The following ADAMTS20 variants were observed in gnomAD, a reference collection of about 807,000 sequenced individuals.
The protein encoded by ADAMTS20 is ADAM metallopeptidase with thrombospondin type 1 motif 20, also known as A disintegrin and metalloproteinase with thrombospondin motifs 20.
ADAMTS20 carries 225 observed loss-of-function variants against 260.1 expected under a neutral mutation model. The observed-to-expected ratio is 0.87, with a 90% CI of 0.78 to 0.97. ADAMTS20 has a LOEUF of 0.97. ADAMTS20 is among the 50% of genes least tolerant of loss of function. The probability of loss-of-function intolerance (pLI) is 0.00; values close to 1 mark genes in which losing one functional copy is unlikely to be tolerated. For synonymous variants in ADAMTS20, 802 were observed against 769.5 expected (o/e 1.04, Z -0.70); for missense variants, 2,400 against 2,337.7 (o/e 1.03, Z -0.55).
chr12:43,539,177 T>C (rs950496827), intron 2 of ADAMTS20, among the ~76,000 whole-genome samples: 6 of 152,036 alleles, frequency 3.9e-5, no homozygotes, highest in Non-Finnish European at 8.8e-5. Context: ...GGTCTTGAAC[T>C]CCTGACCTCG....
At chr12:43,369,191 A>C in intron 37 of ADAMTS20, 99 bp downstream of exon 37, 1 of 648,780 alleles carries the variant, frequency 1.5e-6, no homozygotes. Context: ...ATTTCTATTT[A>C]CTTATGTTTC....
At chr12:43,376,781 A>C in intron 32 of ADAMTS20, 128 bp from the exon 33 acceptor site, 1 of 1,081,746 alleles carries the variant, frequency 9.2e-7, no homozygotes, top group Middle Eastern at 2.4e-4. Context: ...AGATACACAG[A>C]AGACACAAAA....
chr12:43,360,771 T>G (rs1939850682), intron 37 of ADAMTS20, among the ~76,000 whole-genome samples: 2 of 152,156 alleles, frequency 1.3e-5, no homozygotes, highest in African/African-American at 4.8e-5. Context: ...AGTAAGGACA[T>G]GATCTAAACA....
At chr12:43,522,124 G>T (rs1702824906) in intron 3 of ADAMTS20, among the ~76,000 whole-genome samples, 2 of 152,198 alleles carry the variant, frequency 1.3e-5, no homozygotes, top group African/African-American at 4.8e-5. Context: ...TTGACTCAGT[G>T]CACCATGGCT....
At chr12:43,427,042 A>T (rs1242623607) in intron 27 of ADAMTS20, among the ~76,000 whole-genome samples, 2 of 152,094 alleles carry the variant, frequency 1.3e-5, no homozygotes, top group Non-Finnish European at 2.9e-5. Flanking sequence ...GCATGGTGGC[A>T]CACACCTGTA....
At chr12:43,519,565 A>C (rs1041697269) in intron 3 of ADAMTS20, among the ~76,000 whole-genome samples, 30 of 152,106 alleles carry the variant, frequency 2.0e-4, no homozygotes, top group African/African-American at 7.2e-4. Flanking sequence ...TTTTTTCTTC[A>C]CTTATTCAAT....
intron 15 of ADAMTS20, among the ~76,000 whole-genome samples, chr12:43,445,645 G>A (rs567614541): frequency 6.6e-6 from 1 of 151,256 alleles, no homozygotes; most frequent in South Asian, 2.1e-4. Context: ...AGGAGTTTGA[G>A]ACCAACCTAG....
chr12:43,528,353 A>C (rs962622360), intron 3 of ADAMTS20, among the ~76,000 whole-genome samples: 2 of 144,658 alleles, frequency 1.4e-5, no homozygotes, highest in Non-Finnish European at 1.5e-5. Context: ...CTAAGCAAAA[A>C]AAAAAAAAAA....
chr12:43,420,837 T>TTTTC (rs1565689341), intron 28 of ADAMTS20, among the ~76,000 whole-genome samples: 3 of 140,550 alleles, frequency 2.1e-5, no homozygotes, highest in African/African-American at 7.8e-5. Flanking sequence ...AGATGGGGTC[T>TTTTC]CGGTCTGTCA....
At chr12:43,454,867 TA>T (rs2137357966) in intron 11 of ADAMTS20, among the ~76,000 whole-genome samples, 1 of 152,362 alleles carries the variant, frequency 6.6e-6, no homozygotes, top group East Asian at 1.9e-4. Context: ...GTAAATAATT[TA>T]AAAATTGGCT....
intron 14 of ADAMTS20, among the ~76,000 whole-genome samples, chr12:43,450,889 A>G (rs1941852902): frequency 6.6e-6 from 1 of 152,166 alleles, no homozygotes; most frequent in African/African-American, 2.4e-5. Context: ...AGCACATAAC[A>G]TCCACTAAAA....
At chr12:43,528,876 T>C (rs1287871349) in intron 3 of ADAMTS20, among the ~76,000 whole-genome samples, 1 of 152,074 alleles carries the variant, frequency 6.6e-6, no homozygotes, top group East Asian at 1.9e-4. Flanking sequence ...GCCCAGAGAA[T>C]TGGAGAATAT....
At chr12:43,374,173 C>T (rs1184348462) in intron 36 of ADAMTS20, among the ~76,000 whole-genome samples, 1 of 151,984 alleles carries the variant, frequency 6.6e-6, no homozygotes, top group Non-Finnish European at 1.5e-5. Flanking sequence ...TTATTGTAAC[C>T]ATAGTAATAT....
In ADAMTS20 at chr12:43,430,336, C is replaced by A; in HGVS notation, c.3381+16G>T. ...TCTCATAAATCTTTTTGTTTGTAAACCATGATTCTTTTTACCTGTCTGTCA... is the reference window on the plus strand; with the variant it reads ...TCTCATAAATCTTTTTGTTTGTAAAACATGATTCTTTTTACCTGTCTGTCA... On this transcript the variant is annotated intron_variant, in intron 23 of 38. Transcript: ENST00000389420. The A allele has an allele frequency of 6.2e-7, 1 of 1,604,944 alleles. No individual in the cohort carries two copies. Among genetic ancestry groups the A allele is most frequent in the South Asian group, 1.1e-5 (1 of 89,180 alleles).
chr12:43,441,646 G>C (rs1052698934), intron 16 of ADAMTS20, among the ~76,000 whole-genome samples: 3 of 152,030 alleles, frequency 2.0e-5, no homozygotes, highest in African/African-American at 7.2e-5. Flanking sequence ...TTTTCAAGAG[G>C]ATGTGTAATA....
chr12:43,501,128 G>A (rs1160531746), intron 4 of ADAMTS20, among the ~76,000 whole-genome samples: 2 of 139,874 alleles, frequency 1.4e-5, no homozygotes, highest in Admixed American at 8.1e-5. Context: ...GCACGATCTC[G>A]GCTCACTGCA....
At chr12:43,460,630 G>A (rs538081008) in intron 11 of ADAMTS20, among the ~76,000 whole-genome samples, 154 of 152,072 alleles carry the variant, frequency 1.0e-3, no homozygotes, top group Non-Finnish European at 1.8e-3. Flanking sequence ...CTTGTACAGG[G>A]ATGTTCATGG....
chr12:43,467,600 G>T (rs7968878), intron 8 of ADAMTS20, among the ~76,000 whole-genome samples: 18,133 of 151,710 alleles, frequency 0.12, 1,237 homozygotes, highest in Admixed American at 0.21. Flanking sequence ...GTCTTCTACT[G>T]GTTAGTAGCC....
intron 3 of ADAMTS20, among the ~76,000 whole-genome samples, chr12:43,530,612 A>G (rs1943207751): frequency 6.6e-6 from 1 of 152,274 alleles, no homozygotes; most frequent in Non-Finnish European, 1.5e-5. Flanking sequence ...ACGGACACCT[A>G]CGATCTCAAA....
Sources: allele counts gnomAD v4.1 joint callset (sites outside exome capture counted in the v4.1 genomes callset), GRCh38; gene constraint gnomAD v4.1.1; transcripts MANE v1.5; gene names NCBI Gene and HGNC (gene_info 2026-07-23, HGNC 2026-07-21).